Variants in CCDC91 observed in about 807,000 individuals in gnomAD.
CCDC91 encodes coiled-coil domain containing 91.
In CCDC91, 48 loss-of-function variants were observed where a neutral mutation model predicts 63.2. The ratio of observed to expected loss-of-function variants is 0.76; its 90% confidence interval spans 0.60 to 0.97. The LOEUF (loss-of-function observed/expected upper bound fraction) is 0.97, where lower values mean the gene tolerates loss of function less well. CCDC91 is among the 50% of genes least tolerant of loss of function. The probability of loss-of-function intolerance (pLI) is 0.00; values close to 1 mark genes in which losing one functional copy is unlikely to be tolerated. For synonymous variants in CCDC91, 167 were observed against 165.8 expected, an observed-to-expected ratio of 1.01 and a Z score of -0.06; for missense variants, 500 against 494.6, an observed-to-expected ratio of 1.01 and a Z score of -0.10.
At position 28,513,680 on chromosome 12, in the gene CCDC91, ACT is replaced by A. The variant is rs538381935; in HGVS notation, c.1215+29520_1215+29521del. Among the ~76,000 whole-genome samples the A allele has an allele frequency of 1.3e-4, 19 of 151,764 alleles. No homozygotes were observed. In the South Asian group the frequency reaches 2.9e-3, roughly 23 times the overall value. Reference sequence around the variant, plus strand: ...AGATAAACTGACCCTTAATTGTATCACTCTCTTGATTAAGCATTAAGAAAACA... The same window carrying A: ...AGATAAACTGACCCTTAATTGTATCACTCTTGATTAAGCATTAAGAAAACA... On this transcript the variant is annotated intron_variant, in intron 12 of 12. Transcript: ENST00000536442.
chr12:28,525,048 C>G (rs541892892), intron 12 of CCDC91, among the ~76,000 whole-genome samples: 15 of 152,240 alleles, frequency 9.9e-5, no homozygotes, highest in African/African-American at 3.6e-4. Flanking sequence ...AAAGAACCAG[C>G]TTTTTGTTTC....
intron 1 of CCDC91, among the ~76,000 whole-genome samples, chr12:28,194,247 C>CTCTCTCTCTT: frequency 6.6e-6 from 1 of 152,232 alleles, no homozygotes; most frequent in South Asian, 2.1e-4. Flanking sequence ...TCAAGACTCT[C>CTCTCTCTCTT]TCTCTCTCTT....
intron 11 of CCDC91, among the ~76,000 whole-genome samples, chr12:28,455,241 A>G (rs1213630746): frequency 6.6e-6 from 1 of 152,106 alleles, no homozygotes; most frequent in Non-Finnish European, 1.5e-5. Context: ...AAGTTTATAG[A>G]TATCATTTAT....
intron 3 of CCDC91, among the ~76,000 whole-genome samples, chr12:28,264,581 C>CTGTATGTGTGTG (rs1357762563): frequency 1.3e-4 from 4 of 29,982 alleles, no homozygotes; most frequent in Non-Finnish European, 2.3e-4. Flanking sequence ...ATATATATGT[C>CTGTATGTGTGTG]TGTCTGTGTG....
At chr12:28,520,647 A>G (rs933520197) in intron 12 of CCDC91, among the ~76,000 whole-genome samples, 20 of 152,286 alleles carry the variant, frequency 1.3e-4, no homozygotes, top group African/African-American at 4.6e-4. Context: ...GTCCTTGCCC[A>G]TGCCTATGTC....
In CCDC91 at chr12:28,204,976, G is replaced by C. The variant is rs1285870383; in HGVS notation, c.-15+14335G>C. 2.0e-5 allele frequency among the ~76,000 whole-genome samples: 3 copies of C among 152,286 alleles called. No homozygotes were observed. The East Asian group carries it at 5.8e-4, about 29-fold the overall frequency. On this transcript the variant is annotated intron_variant, in intron 1 of 12. Coordinates refer to ENST00000536442, the MANE Select transcript of CCDC91 (RefSeq NM_018318.5). ...AGATTTATTACGTATTTACTCAGTA[G>C]AGGAACAGAATCAGTTGACATTTCT...
intron 7 of CCDC91, among the ~76,000 whole-genome samples, chr12:28,377,423 CT>C (rs1461371706): frequency 6.6e-6 from 1 of 151,534 alleles, no homozygotes; most frequent in Non-Finnish European, 1.5e-5. Flanking sequence ...GAAAAATAGC[CT>C]GAAAAAGGCA....
At chr12:28,309,030 G>A (rs1939038412) in intron 6 of CCDC91, among the ~76,000 whole-genome samples, 1 of 151,974 alleles carries the variant, frequency 6.6e-6, no homozygotes, top group South Asian at 2.1e-4. Context: ...TTATAATAAG[G>A]TATAGGTGAA....
rs1019658854 is a variant in CCDC91, at chr12:28,518,992, A to G, written c.1216-30071A>G. 4.6e-5 allele frequency among the ~76,000 whole-genome samples: 7 copies of G among 151,122 alleles called. No individual in the cohort carries two copies. The East Asian group carries it at 1.2e-3, about 25-fold the overall frequency. The stretch of plus-strand genomic sequence containing the variant: ...ATTTGGATTTATTTCTGGGCTCTCT[A>G]TTTTGTTTTTGCTTAGTCTTGCTTT... On this transcript the variant is annotated intron_variant, in intron 12 of 12. Coordinates refer to ENST00000536442, the MANE Select transcript of CCDC91 (RefSeq NM_018318.5).
intron 11 of CCDC91, among the ~76,000 whole-genome samples, chr12:28,463,942 A>G (rs73085989): frequency 0.014 from 2,160 of 152,238 alleles, 19 homozygotes; most frequent in African/African-American, 0.021. Context: ...TTTTTACTTT[A>G]TATTGCTGAC....
intron 3 of CCDC91, among the ~76,000 whole-genome samples, chr12:28,286,330 C>T (rs1235040250): frequency 6.6e-6 from 1 of 151,964 alleles, no homozygotes; most frequent in Non-Finnish European, 1.5e-5. Flanking sequence ...AAGCCTAGTG[C>T]CCATTAGTTA....
chr12:28,510,025 G>A (rs73087927), intron 12 of CCDC91, among the ~76,000 whole-genome samples: 2,148 of 151,874 alleles, frequency 0.014, 19 homozygotes, highest in African/African-American at 0.021. Context: ...GGCAAGTAGG[G>A]GTACCCATGT....
intron 12 of CCDC91, among the ~76,000 whole-genome samples, chr12:28,522,941 GT>G (rs1425269421): frequency 6.6e-6 from 1 of 152,284 alleles, no homozygotes; most frequent in African/African-American, 2.4e-5. Context: ...CTGAGAGACA[GT>G]TTGTTATAAT....
chr12:28,429,644 C>G (rs1022018814), intron 8 of CCDC91, among the ~76,000 whole-genome samples: 1 of 151,988 alleles, frequency 6.6e-6, no homozygotes, highest in African/African-American at 2.4e-5. Context: ...TGGCTTTTGA[C>G]TAGCAGAGAA....
At chr12:28,279,743 A>T (rs761384255) in intron 3 of CCDC91, among the ~76,000 whole-genome samples, 5 of 151,838 alleles carry the variant, frequency 3.3e-5, no homozygotes, top group Non-Finnish European at 5.9e-5. Flanking sequence ...TTGTACTAGC[A>T]CATTATAAGT....
chr12:28,518,972 G>T (rs1161330967), intron 12 of CCDC91, among the ~76,000 whole-genome samples: 1 of 151,946 alleles, frequency 6.6e-6, no homozygotes, highest in Non-Finnish European at 1.5e-5. Context: ...TAAGTATTTG[G>T]ATTTATTTCT....
chr12:28,293,955 A>G (rs1392135417), intron 3 of CCDC91, among the ~76,000 whole-genome samples: 2 of 152,052 alleles, frequency 1.3e-5, no homozygotes, highest in Non-Finnish European at 2.9e-5. Context: ...TAACACACAC[A>G]CGCCCAAAAT....
intron 1 of CCDC91, among the ~76,000 whole-genome samples, chr12:28,191,796 G>A (rs1316305724): frequency 6.6e-6 from 1 of 152,260 alleles, no homozygotes; most frequent in East Asian, 1.9e-4. Context: ...TACCTATTAG[G>A]TAAATGTAGT....
At chr12:28,349,055 A>G (rs1229269216) in intron 6 of CCDC91, among the ~76,000 whole-genome samples, 1 of 152,050 alleles carries the variant, frequency 6.6e-6, no homozygotes, top group East Asian at 1.9e-4. Flanking sequence ...TTTTATATGA[A>G]TTACTATGTT....
Sources: allele counts gnomAD v4.1 joint callset (sites outside exome capture counted in the v4.1 genomes callset), GRCh38; gene constraint gnomAD v4.1.1; transcripts MANE v1.5; gene names NCBI Gene and HGNC (gene_info 2026-07-23, HGNC 2026-07-21).